Variants in CPEB4 observed in about 807,000 individuals in gnomAD.
CPEB4 encodes the protein cytoplasmic polyadenylation element-binding protein 4.
Under a neutral mutation model 72.5 loss-of-function variants are expected in CPEB4, and 12 were observed. The observed-to-expected ratio is 0.17, with a 90% CI of 0.11 to 0.27. The LOEUF (loss-of-function observed/expected upper bound fraction) is 0.27. Ranked by LOEUF, CPEB4 falls within the 10% of genes least tolerant of loss-of-function variation. The pLI is 1.00. For missense variants in CPEB4, 614 were observed against 908.5 expected, an observed-to-expected ratio of 0.68 and a Z score of 4.17; for synonymous variants, 302 against 326.3, an observed-to-expected ratio of 0.93 and a Z score of 0.80.
At chr5:173,891,295 T>G (rs761016683) in intron 1 of CPEB4, 1 of 151,236 alleles carries the variant, frequency 6.6e-6, no homozygotes, top group Non-Finnish European at 1.5e-5. Context: ...AGTGATTCAC[T>G]GAAAACCAGC....
chr5:173,937,380 G>A (rs189343613), intron 3 of CPEB4, among the ~76,000 whole-genome samples: 1 of 152,198 alleles, frequency 6.6e-6, no homozygotes, highest in African/African-American at 2.4e-5. Flanking sequence ...AATGAAAAGA[G>A]GAAGATTGTT....
At chr5:173,892,030 A>T (rs528979137) in intron 1 of CPEB4, among the ~76,000 whole-genome samples, 6 of 152,248 alleles carry the variant, frequency 3.9e-5, no homozygotes, top group Admixed American at 2.6e-4. Flanking sequence ...GTGCACGTAC[A>T]CATGTGCTAC....
In CPEB4 at chr5:173,889,207, A is replaced by T. The variant is rs916927089; in HGVS notation, c.-527A>T. ...ATATAATGTTCTTAAATTATTCCTG[A>T]TTTTTTTTTAACCAAGCTGCCAAGA... On this transcript the variant is annotated 5_prime_UTR_variant, in exon 1 of 10. It removes the in-frame stop codon of an upstream open reading frame in the 5' UTR. Transcript: ENST00000265085. The T allele has an allele frequency of 1.3e-5, 2 of 150,170 alleles. No homozygotes were observed. The highest frequency in any genetic ancestry group is 4.2e-4 in the South Asian group (2 of 4,788). The allele number at this position is 150,170 out of a possible 1,614,324, so 9.3% of individuals were successfully genotyped here.
chr5:173,919,541 G>A (rs1188313822), intron 2 of CPEB4, among the ~76,000 whole-genome samples: 1 of 152,100 alleles, frequency 6.6e-6, no homozygotes, highest in Non-Finnish European at 1.5e-5. Context: ...ATTCTATAGA[G>A]GTGACTCTTG....
At chr5:173,910,880 T>C (rs1329471969) in intron 2 of CPEB4, 1 of 307,822 alleles carries the variant, frequency 3.2e-6, no homozygotes, top group Non-Finnish European at 5.9e-6. Context: ...TACCTTATTA[T>C]TATTTTTTTT....
At chr5:173,915,032 G>A (rs1206418568) in intron 2 of CPEB4, among the ~76,000 whole-genome samples, 2 of 152,034 alleles carry the variant, frequency 1.3e-5, no homozygotes, top group Non-Finnish European at 2.9e-5. Flanking sequence ...CTATTGGTGT[G>A]GCTATTATTA....
At chr5:173,919,037 A>G (rs1581133360) in intron 2 of CPEB4, among the ~76,000 whole-genome samples, 1 of 152,172 alleles carries the variant, frequency 6.6e-6, no homozygotes, top group African/African-American at 2.4e-5. Flanking sequence ...CATTTAAAAG[A>G]TTTTTTTAAT....
Position 173,890,159 on chromosome 5 carries a change from G to A in CPEB4, c.426G>A (p.Gly142=). ...GGATCGAATCTCCAGTGTTGACAGG[G>A]TTTGATTATCAAGAAGCCACTGGGC... is the stretch of plus-strand genomic sequence containing the variant. ...KIRIESPVLT[G]FDYQEATGLG... Residue 142 remains glycine (G), a synonymous_variant, in exon 1 of 10, where the codon GGG becomes GGA. Coordinates refer to ENST00000265085, the MANE Select transcript of CPEB4 (RefSeq NM_030627.4). 1 of 1,614,124 alleles carries A rather than the reference G, an allele frequency of 6.2e-7. No individual in the cohort carries two copies. Among genetic ancestry groups the A allele is most frequent in the Non-Finnish European group, 8.5e-7 (1 of 1,180,016 alleles).
chr5:173,924,383 GTT>G (rs574413658), intron 2 of CPEB4, among the ~76,000 whole-genome samples: 90 of 152,254 alleles, frequency 5.9e-4, no homozygotes, highest in African/African-American at 2.0e-3. Flanking sequence ...TTATATCCCT[GTT>G]TTTAACCAAG....
At chr5:173,921,984 G>T (rs1189131124) in intron 2 of CPEB4, among the ~76,000 whole-genome samples, 1 of 152,216 alleles carries the variant, frequency 6.6e-6, no homozygotes, top group Middle Eastern at 3.4e-3. Flanking sequence ...TGAGTTTTGT[G>T]GTCTTCATTT....
At chr5:173,954,518 A>G (rs768968441) in intron 9 of CPEB4, among the ~76,000 whole-genome samples, 3 of 152,094 alleles carry the variant, frequency 2.0e-5, no homozygotes, top group African/African-American at 4.8e-5. Flanking sequence ...AATTACAGGC[A>G]TATACCACCA....
At chr5:173,946,483 G>A (rs1000429172) in intron 5 of CPEB4, among the ~76,000 whole-genome samples, 1 of 152,074 alleles carries the variant, frequency 6.6e-6, no homozygotes, top group Non-Finnish European at 1.5e-5. Context: ...GCTGCTTCAG[G>A]GAATATTGAA....
chr5:173,919,270 T>C (rs1337631343), intron 2 of CPEB4, among the ~76,000 whole-genome samples: 5 of 152,228 alleles, frequency 3.3e-5, no homozygotes, highest in Non-Finnish European at 7.3e-5. Flanking sequence ...TTTAAGCTTA[T>C]GTTTTACCAT....
rs1285963298 is a variant in CPEB4, at chr5:173,957,290, T to C, written c.*1153T>C. On this transcript the variant is annotated 3_prime_UTR_variant, in exon 10 of 10. Transcript: ENST00000265085. ...AAAGTTACTTTGGGTATCCTGTAAT[T>C]TAGTTGTAACATAGAAAATGAAAAA... 6.5e-6 allele frequency: 1 copy of C among 152,720 alleles called. No individual in the cohort carries two copies. Among genetic ancestry groups the C allele is most frequent in the Non-Finnish European group, 1.5e-5 (1 of 68,012 alleles). The allele number at this position is 152,720 out of a possible 1,614,324, so 9.5% of individuals were successfully genotyped here.
In CPEB4 at chr5:173,955,793, C is replaced by T; in HGVS notation, c.1963-117C>T. On this transcript the variant is annotated intron_variant, in intron 9 of 9. Transcript: ENST00000265085. This position sits in a 1 kb window ranked among gnomAD's most constrained non-coding sequence, Gnocchi z 4.7. ...TATTTCAGTAAATGAATAATTAGTC[C>T]TTCCTCTTTGGGCACCTTGGAACAG... The T allele has an allele frequency of 1.4e-6, 1 of 719,718 alleles. No homozygotes were observed. Among genetic ancestry groups the T allele is most frequent in the Non-Finnish European group, 2.3e-6 (1 of 444,006 alleles). 44.6% of individuals were successfully genotyped at this position (719,718 alleles called of 1,614,324 possible). A position where few individuals can be genotyped will look rare whatever the true frequency, so the allele number is the denominator to read the frequency against.
At chr5:173,953,428 T>C (rs1008583604) in intron 9 of CPEB4, 156 bp downstream of exon 9, 1 of 470,046 alleles carries the variant, frequency 2.1e-6, no homozygotes, top group Non-Finnish European at 3.7e-6. Flanking sequence ...AATAATGTCC[T>C]ATGAATTTCT....
At chr5:173,898,843 A>C (rs1756121317) in intron 1 of CPEB4, among the ~76,000 whole-genome samples, 1 of 152,128 alleles carries the variant, frequency 6.6e-6, no homozygotes, top group Non-Finnish European at 1.5e-5. Context: ...GGCCCATCTA[A>C]TTTTTGTACC....
In CPEB4 at chr5:173,936,579, A is replaced by G. The variant is rs577437470; in HGVS notation, c.1258+4079A>G. ...CTAGTAAATTTCATGTAGTAGGGAT[A>G]TAGTTAGAATGCCCATTTTATGGTT... On this transcript the variant is annotated intron_variant, in intron 3 of 9. Coordinates refer to ENST00000265085, the MANE Select transcript of CPEB4 (RefSeq NM_030627.4). Among the ~76,000 whole-genome samples, 6 of 152,344 alleles carry G rather than the reference A, an allele frequency of 3.9e-5. No individual in the cohort carries two copies. In the South Asian group the frequency reaches 8.3e-4, roughly 21 times the overall value.
At chr5:173,899,170 T>C (rs1756133164) in intron 1 of CPEB4, among the ~76,000 whole-genome samples, 1 of 152,180 alleles carries the variant, frequency 6.6e-6, no homozygotes, top group South Asian at 2.1e-4. Flanking sequence ...ATATATTCCA[T>C]GGTAGACAGA....
Sources: allele counts gnomAD v4.1 joint callset (sites outside exome capture counted in the v4.1 genomes callset), GRCh38; gene constraint gnomAD v4.1.1; non-coding constraint Gnocchi (gnomAD v3.1); transcripts MANE v1.5; gene names NCBI Gene and HGNC (gene_info 2026-07-23, HGNC 2026-07-21).